The following MAN2B2 variants were observed in gnomAD, a reference collection of about 807,000 sequenced individuals.
MAN2B2 encodes the protein mannosidase alpha class 2B member 2.
In MAN2B2, 106 loss-of-function variants were observed where a neutral mutation model predicts 117.1. The ratio of observed to expected loss-of-function variants is 0.90; its 90% CI spans 0.77 to 1.06. MAN2B2 has a LOEUF of 1.06. MAN2B2 is among the 50% of genes least tolerant of loss of function. The pLI is 0.00. For synonymous variants in MAN2B2, 544 were observed against 595.1 expected, an observed-to-expected ratio of 0.91 and a Z score of 1.25; for missense variants, 1,326 against 1,381.4, an observed-to-expected ratio of 0.96 and a Z score of 0.64.
rs764379268 is a variant in MAN2B2, at chr4:6,593,281, C to T, written c.789C>T (p.Ala263=). Reference sequence around the variant, plus strand: ...CCCCAGCCAACATCAACCTCTATGCCGAGGCCCTGGTGGCCAACGTGAAGC... The same window carrying T: ...CCCCAGCCAACATCAACCTCTATGCTGAGGCCCTGGTGGCCAACGTGAAGC... ...PVTPANINLY[A]EALVANVKQR... Residue 263 remains alanine (A), a synonymous_variant, in exon 6 of 19, where the codon GCC becomes GCT. Coordinates refer to ENST00000285599, the MANE Select transcript of MAN2B2 (RefSeq NM_015274.3). The T allele has an allele frequency of 3.6e-5, 58 of 1,613,978 alleles. No homozygotes were observed. In the Middle Eastern group the frequency reaches 4.9e-4, roughly 14 times the overall value.
intron 3 of MAN2B2, among the ~76,000 whole-genome samples, chr4:6,579,457 C>CA (rs1380247801): frequency 4.8e-5 from 7 of 146,084 alleles, no homozygotes; most frequent in Non-Finnish European, 9.1e-5. Flanking sequence ...TCACCACCAC[C>CA]CTTCACCACC....
At chr4:6,577,651 A>G (rs1275350633) in intron 2 of MAN2B2, among the ~76,000 whole-genome samples, 4 of 152,248 alleles carry the variant, frequency 2.6e-5, no homozygotes, top group African/African-American at 2.4e-5. Context: ...TGAGCCAGGC[A>G]TGCCTGACTC....
In MAN2B2 at chr4:6,575,245, C is replaced by T. The variant is rs759660920; in HGVS notation, c.35C>T (p.Pro12Leu). Residue 12 changes from proline to leucine, a missense_variant, in exon 1 of 19, where the codon CCG becomes CTG. By Grantham distance (98) the Pro-to-Leu change is moderately conservative. Transcript: ENST00000285599. Reference protein sequence around the residue: ...GQLCWLPLLAPLLLLRPPGVQ... With the variant: ...GQLCWLPLLALLLLLRPPGVQ... ...CTGTGCTGGCTGCCGCTGCTGGCAC[C>T]GCTCCTGTTGCTGCGACCGCCAGGG... 8 of 1,542,510 alleles carry T rather than the reference C, an allele frequency of 5.2e-6. No homozygotes were observed. Among genetic ancestry groups the T allele is most frequent in the Non-Finnish European group, 6.1e-6 (7 of 1,149,522 alleles).
rs561640262 is a variant in MAN2B2 at position 6,603,471 on chromosome 4, CGAG to C, written c.1540-1577_1540-1575del. Reference sequence around the variant, plus strand: ...AGGGGCCCTCGGCTGGAACTGAGACCGAGGAGGAGTTTGTCCAGCACAGGGAGA... The same window carrying C: ...AGGGGCCCTCGGCTGGAACTGAGACCGAGGAGTTTGTCCAGCACAGGGAGA... On this transcript the variant is annotated intron_variant, in intron 10 of 18. Coordinates refer to ENST00000285599, the MANE Select transcript of MAN2B2 (RefSeq NM_015274.3). Among the ~76,000 whole-genome samples the C allele has an allele frequency of 1.5e-3, 223 of 152,162 alleles. 1 individual carries two copies. The highest frequency in any genetic ancestry group is 2.7e-3 in the Non-Finnish European group (184 of 67,998).
chr4:6,621,061 G>C (rs1712146763), intron 18 of MAN2B2, 127 bp from the exon 19 acceptor site: 1 of 656,730 alleles, frequency 1.5e-6, no homozygotes, highest in African/African-American at 1.8e-5. Flanking sequence ...GCAGATTGTA[G>C]ACAGGTGCAG....
chr4:6,614,025 AGCAAAG>A (rs1711723166), intron 15 of MAN2B2, among the ~76,000 whole-genome samples, 187 bp from the exon 16 acceptor site: 1 of 152,130 alleles, frequency 6.6e-6, no homozygotes, highest in Non-Finnish European at 1.5e-5. Flanking sequence ...CTATGGTCTG[AGCAAAG>A]GCAGGGAAGT....
At chr4:6,616,106 A>C (rs1384674531) in intron 16 of MAN2B2, among the ~76,000 whole-genome samples, 1 of 152,062 alleles carries the variant, frequency 6.6e-6, no homozygotes, top group East Asian at 1.9e-4. Flanking sequence ...ACCCTGCCAA[A>C]ATTTTTTTTT....
chr4:6,591,165 G>C (rs368225409), intron 5 of MAN2B2, among the ~76,000 whole-genome samples: 12 of 152,020 alleles, frequency 7.9e-5, no homozygotes, highest in Non-Finnish European at 1.8e-4. Context: ...AAAAAAGAAG[G>C]CTGGAGGAGT....
chr4:6,589,042 C>T lies in MAN2B2; in HGVS notation c.565-3C>T. On this transcript the variant is annotated splice_region_variant and splice_polypyrimidine_tract_variant and intron_variant, in intron 4 of 18. Transcript: ENST00000285599. ...CAGCCTCATTCTTCTCCTCGGTTTG[C>T]AGGGGCTGCAGTTCGTGTGGCGAGG... 1 of 1,611,592 alleles carries T rather than the reference C, an allele frequency of 6.2e-7. No homozygotes were observed. Among genetic ancestry groups the T allele is most frequent in the South Asian group, 1.1e-5 (1 of 90,994 alleles).
At chr4:6,612,259 G>C (rs968397399) in intron 15 of MAN2B2, among the ~76,000 whole-genome samples, 2 of 151,754 alleles carry the variant, frequency 1.3e-5, no homozygotes, top group African/African-American at 4.9e-5. Context: ...GGACCCAGGA[G>C]AGTTTTCCTG....
chr4:6,614,894 G>A (rs1217605534), intron 16 of MAN2B2, among the ~76,000 whole-genome samples: 1 of 152,226 alleles, frequency 6.6e-6, no homozygotes, highest in African/African-American at 2.4e-5. Context: ...AGGCAGTAAT[G>A]ACAAGGACAA....
chr4:6,617,332 G>A (rs765960202), intron 16 of MAN2B2, 48 bp from the exon 17 acceptor site: 1 of 1,436,650 alleles, frequency 7.0e-7, no homozygotes, highest in Non-Finnish European at 9.8e-7. Context: ...GGGACATTGG[G>A]GTTGGTTGAT....
intron 16 of MAN2B2, among the ~76,000 whole-genome samples, chr4:6,616,849 C>T (rs961074932): frequency 2.6e-5 from 4 of 152,198 alleles, no homozygotes; most frequent in Non-Finnish European, 5.9e-5. Flanking sequence ...CTGCCCCTCT[C>T]TGAGCCTTGG....
At chr4:6,612,462 T>C (rs1356418867) in intron 15 of MAN2B2, among the ~76,000 whole-genome samples, 2 of 152,188 alleles carry the variant, frequency 1.3e-5, no homozygotes, top group Non-Finnish European at 2.9e-5. Flanking sequence ...GGGCAGCTAT[T>C]TGGGCAGAGC....
chr4:6,599,123 G>A (rs1203976668), intron 9 of MAN2B2, among the ~76,000 whole-genome samples: 3 of 152,170 alleles, frequency 2.0e-5, no homozygotes, highest in Non-Finnish European at 2.9e-5. Flanking sequence ...TTGAGACAGG[G>A]TCTCGCTGTG....
At chr4:6,618,781 A>T (rs1324844015) in intron 17 of MAN2B2, 1 of 152,230 alleles carries the variant, frequency 6.6e-6, no homozygotes, top group Non-Finnish European at 1.5e-5. Flanking sequence ...CTCCTTCGAC[A>T]TCTGAGTCTT....
In MAN2B2 at chr4:6,597,279, G is replaced by A; in HGVS notation, c.1224G>A (p.Gln408=). The A allele has an allele frequency of 1.3e-6, 2 of 1,566,270 alleles. No homozygotes were observed. The highest frequency in any genetic ancestry group is 2.3e-5 in the East Asian group (1 of 43,272). ...CCACCTGGGCCCTGCAGCAGCTCCAGCAGCTTCGCTGGGCCGTCTCCGAGG... is the reference window on the plus strand; with the variant it reads ...CCACCTGGGCCCTGCAGCAGCTCCAACAGCTTCGCTGGGCCGTCTCCGAGG... ...LDPTWALQQL[Q]QLRWAVSEVQ... The change falls in exon 8 of 19, where the codon CAG becomes CAA. Residue 408 remains glutamine (Q), a synonymous_variant. Transcript: ENST00000285599.
chr4:6,584,713 G>A (rs144062726), intron 3 of MAN2B2, among the ~76,000 whole-genome samples: 19 of 152,324 alleles, frequency 1.2e-4, no homozygotes, highest in African/African-American at 3.4e-4. Flanking sequence ...GAGGCCTGGA[G>A]CCGGCTCAGC....
intron 16 of MAN2B2, among the ~76,000 whole-genome samples, chr4:6,614,962 G>GAACT (rs1711789662): frequency 1.3e-5 from 2 of 152,232 alleles, no homozygotes; most frequent in Admixed American, 1.3e-4. Context: ...CACCTGCTGG[G>GAACT]AACTGACTTG....
Sources: gnomAD v4.1 joint callset for allele counts (sites outside exome capture counted in the v4.1 genomes callset) on GRCh38, gnomAD v4.1.1 for gene constraint, MANE v1.5 for transcripts, NCBI Gene and HGNC (gene_info 2026-07-23, HGNC 2026-07-21) for gene names.